The following SLC25A21 variants were observed in gnomAD, a reference collection of about 807,000 sequenced individuals.
SLC25A21 encodes solute carrier family 25 member 21, also known as mitochondrial 2-oxodicarboxylate carrier.
A neutral mutation model predicts 43.8 loss-of-function variants in SLC25A21; 47 were observed. The observed-to-expected ratio is 1.07, with a 90% CI of 0.85 to 1.37. The LOEUF is 1.37. Ranked by LOEUF, SLC25A21 falls within the 40% of genes most tolerant of loss-of-function variation. The probability of loss-of-function intolerance (pLI) is 0.00; values close to 1 mark genes in which losing one functional copy is unlikely to be tolerated. For missense variants in SLC25A21, 352 were observed against 350.2 expected, an observed-to-expected ratio of 1.00 and a Z score of -0.04; for synonymous variants, 131 against 121.3, an observed-to-expected ratio of 1.08 and a Z score of -0.52.
At chr14:36,699,729 C>T (rs1566510165) in intron 7 of SLC25A21, among the ~76,000 whole-genome samples, 1 of 152,266 alleles carries the variant, frequency 6.6e-6, no homozygotes, top group East Asian at 1.9e-4. Flanking sequence ...GTGAGCAAGG[C>T]TTTGTGGGCG....
chr14:36,754,192 T>C (rs1280050173), intron 3 of SLC25A21, among the ~76,000 whole-genome samples: 1 of 152,178 alleles, frequency 6.6e-6, no homozygotes, highest in Non-Finnish European at 1.5e-5. Flanking sequence ...ATAAAGCAGA[T>C]AGCCCTTCAT....
Position 36,678,730 on chromosome 14 carries a change from T to C in SLC25A21, c.*1928A>G, listed in dbSNP as rs182186668. 9.1e-5 allele frequency: 107 copies of C among 1,180,296 alleles called. No individual in the cohort carries two copies. In the African/African-American group the frequency reaches 1.5e-3, roughly 17 times the overall value. The allele number at this position is 1,180,296 out of a possible 1,614,324, so 73.1% of individuals were successfully genotyped here. ...ATCTAAATTAAGAAATCTCTTGTTA[T>C]TGTGCTATTTATAATTTTTTTCTGG... On this transcript the variant is annotated 3_prime_UTR_variant, in exon 10 of 10. Transcript: ENST00000331299.
intron 1 of SLC25A21, among the ~76,000 whole-genome samples, chr14:37,005,956 T>C (rs1325369435): frequency 4.6e-5 from 7 of 152,320 alleles, no homozygotes; most frequent in Admixed American, 1.3e-4. Flanking sequence ...TTTCATGTTA[T>C]CAAACTTTAT....
intron 1 of SLC25A21, among the ~76,000 whole-genome samples, chr14:37,053,936 C>T (rs1307740017): frequency 6.6e-6 from 1 of 152,132 alleles, no homozygotes; most frequent in African/African-American, 2.4e-5. Flanking sequence ...AAACTGGTTG[C>T]CTTAGAACTA....
chr14:36,827,931 A>G (rs576903114), intron 2 of SLC25A21, among the ~76,000 whole-genome samples: 2 of 152,336 alleles, frequency 1.3e-5, no homozygotes, highest in South Asian at 4.1e-4. Flanking sequence ...CCAAGTTTAA[A>G]CATTCTGGAA....
At chr14:36,983,739 T>A (rs116644463) in intron 1 of SLC25A21, among the ~76,000 whole-genome samples, 2,992 of 152,232 alleles carry the variant, frequency 0.02, 99 homozygotes, top group African/African-American at 0.068. Flanking sequence ...TCAACCTGTG[T>A]CCATGAATGG....
chr14:37,038,043 C>A (rs1961366921), intron 1 of SLC25A21, among the ~76,000 whole-genome samples: 1 of 152,164 alleles, frequency 6.6e-6, no homozygotes, highest in Non-Finnish European at 1.5e-5. Context: ...TTTATACCCA[C>A]ATACTTTTTG....
At chr14:36,734,475 T>C in intron 4 of SLC25A21, 32 bp downstream of exon 4, 1 of 1,571,462 alleles carries the variant, frequency 6.4e-7, no homozygotes, top group Non-Finnish European at 8.7e-7. Flanking sequence ...TGTGCCCTAC[T>C]TTTGCTTGGT....
chr14:36,742,521 A>G (rs544553672), intron 3 of SLC25A21, among the ~76,000 whole-genome samples: 1 of 152,170 alleles, frequency 6.6e-6, no homozygotes, highest in South Asian at 2.1e-4. Flanking sequence ...TGTGATTTGA[A>G]TTATGTAGAA....
chr14:37,070,944 G>A (rs56395950), intron 1 of SLC25A21, among the ~76,000 whole-genome samples: 6,888 of 152,158 alleles, frequency 0.045, 515 homozygotes, highest in African/African-American at 0.16. Context: ...CAGTTTCCCC[G>A]GGGGAAGGAC....
In SLC25A21 at chr14:37,082,888, A is replaced by G. The variant is rs140439117; in HGVS notation, c.70+89393T>C. On this transcript the variant is annotated intron_variant, in intron 1 of 9. Coordinates refer to ENST00000331299, the MANE Select transcript of SLC25A21 (RefSeq NM_030631.4). Reference sequence around the variant, plus strand: ...TTTGAACTTTGCTTTCAACACTGCTATAACTCAGTAAAGCAAACTAAGTAA... The same window carrying G: ...TTTGAACTTTGCTTTCAACACTGCTGTAACTCAGTAAAGCAAACTAAGTAA... Among the ~76,000 whole-genome samples, 609 of 152,368 alleles carry G rather than the reference A, an allele frequency of 4.0e-3. 5 individuals carry two copies. Among genetic ancestry groups the G allele is most frequent in the Non-Finnish European group, 6.1e-3 (413 of 68,042 alleles).
At chr14:36,938,651 A>G (rs1267869065) in intron 1 of SLC25A21, among the ~76,000 whole-genome samples, 1 of 152,090 alleles carries the variant, frequency 6.6e-6, no homozygotes, top group East Asian at 1.9e-4. Context: ...CAATCTGATC[A>G]TCATGTTCAC....
At chr14:37,110,241 G>C (rs923347169) in intron 1 of SLC25A21, among the ~76,000 whole-genome samples, 1 of 152,134 alleles carries the variant, frequency 6.6e-6, no homozygotes, top group African/African-American at 2.4e-5. Flanking sequence ...GGTTGCATTG[G>C]TTTGCAGAGG....
chr14:37,039,378 C>A (rs1566834001), intron 1 of SLC25A21, among the ~76,000 whole-genome samples: 2 of 152,150 alleles, frequency 1.3e-5, no homozygotes, highest in South Asian at 2.1e-4. Context: ...TAAACATATT[C>A]ATCACCCCCA....
intron 2 of SLC25A21, among the ~76,000 whole-genome samples, chr14:36,854,694 G>A (rs1889845998): frequency 6.6e-6 from 1 of 152,168 alleles, no homozygotes; most frequent in Non-Finnish European, 1.5e-5. Flanking sequence ...GTCTGGTGTA[G>A]ATAGAATGAA....
At chr14:37,074,326 C>T (rs1464441005) in intron 1 of SLC25A21, among the ~76,000 whole-genome samples, 2 of 148,432 alleles carry the variant, frequency 1.3e-5, no homozygotes, top group Non-Finnish European at 2.9e-5. Flanking sequence ...CCACTATTGA[C>T]TGAAAATGGG....
chr14:37,080,606 A>G (rs1238615380), intron 1 of SLC25A21, among the ~76,000 whole-genome samples: 2 of 152,204 alleles, frequency 1.3e-5, no homozygotes, highest in Non-Finnish European at 2.9e-5. Flanking sequence ...CCTCAAAAAC[A>G]AACAAACAAG....
At chr14:37,144,756 G>A (rs1041301511) in intron 1 of SLC25A21, among the ~76,000 whole-genome samples, 3 of 149,920 alleles carry the variant, frequency 2.0e-5, no homozygotes, top group African/African-American at 7.3e-5. Context: ...TTCATAAGAT[G>A]TGTCACTCAT....
intron 6 of SLC25A21, among the ~76,000 whole-genome samples, chr14:36,716,282 G>C (rs1271539095): frequency 6.6e-6 from 1 of 152,058 alleles, no homozygotes; most frequent in East Asian, 1.9e-4. Context: ...GGAGATGCAG[G>C]TGGAAGGGTG....
Sources: gnomAD v4.1 joint callset for allele counts (sites outside exome capture counted in the v4.1 genomes callset) on GRCh38, gnomAD v4.1.1 for gene constraint, MANE v1.5 for transcripts, NCBI Gene and HGNC (gene_info 2026-07-23, HGNC 2026-07-21) for gene names.